The following E2F3 variants were observed in gnomAD, a reference collection of about 807,000 sequenced individuals.
The protein encoded by E2F3 is E2F transcription factor 3.
Under a neutral mutation model 44.4 loss-of-function variants are expected in E2F3, and 11 were observed. That is an observed-to-expected ratio of 0.25 (90% confidence interval 0.16 to 0.41). The LOEUF is 0.41. Ranked by LOEUF, E2F3 falls within the 10% of genes least tolerant of loss-of-function variation. E2F3 has a pLI of 1.00. For missense variants in E2F3, 487 were observed against 583.6 expected (o/e 0.83, Z 1.70); for synonymous variants, 249 against 253.0 (o/e 0.98, Z 0.15).
intron 1 of E2F3, among the ~76,000 whole-genome samples, chr6:20,429,267 T>A (rs1266828507): frequency 6.6e-6 from 1 of 152,198 alleles, no homozygotes; most frequent in Non-Finnish European, 1.5e-5. Context: ...GTTGTCCCCC[T>A]TATCCACGGT....
intron 1 of E2F3, among the ~76,000 whole-genome samples, chr6:20,420,440 TG>T (rs1352638977): frequency 1.2e-5 from 1 of 86,200 alleles, no homozygotes; most frequent in African/African-American, 8.1e-5. Flanking sequence ...CTTTCTCTGG[TG>T]TGTGTGTGTG....
rs1296927580 is a variant in E2F3 at position 20,486,749 on chromosome 6, T to C, written c.945T>C (p.Val315=). ...RKISGLKDQT[V]IVVKAPPETR... is the part of the protein sequence containing the mutation. ...TTAGTGGCCTTAAAGACCAAACTGT[T>C]ATAGTTGTGAAAGCCCCTCCAGAAA... is the stretch of plus-strand genomic sequence containing the variant. Residue 315 remains valine, a synonymous_variant, in exon 5 of 7, where the codon GTT becomes GTC. Coordinates refer to ENST00000346618, the MANE Select transcript of E2F3 (RefSeq NM_001949.5). 3.1e-6 allele frequency: 5 copies of C among 1,613,798 alleles called. No homozygotes were observed. The highest frequency in any genetic ancestry group is 4.2e-6 in the Non-Finnish European group (5 of 1,179,916).
At chr6:20,403,817 GC>G in intron 1 of E2F3, 1 of 1,497,816 alleles carries the variant, frequency 6.7e-7, no homozygotes, top group Non-Finnish European at 8.9e-7. Context: ...TTTCGGAAAT[GC>G]CCTTACAGCA....
At position 20,488,224 on chromosome 6, in the gene E2F3, A is replaced by G. The variant is rs759186497; in HGVS notation, c.1111A>G (p.Asn371Asp). The G allele has an allele frequency of 6.2e-7, 1 of 1,605,308 alleles. No individual in the cohort carries two copies. Among genetic ancestry groups the G allele is most frequent in the Non-Finnish European group, 8.5e-7 (1 of 1,178,040 alleles). Reference sequence around the variant, plus strand: ...AACAAACAACCAAGACCACAATGGGAATATCCCTAAACCCGCTTCCAAAGG... The same window carrying G: ...AACAAACAACCAAGACCACAATGGGGATATCCCTAAACCCGCTTCCAAAGG... The part of the protein sequence containing the change: ...MKTNNQDHNG[N>D]IPKPASKDLA... Residue 371 changes from asparagine to aspartate, a missense_variant, in exon 6 of 7, where the codon AAT (asparagine) becomes GAT (aspartate). Coordinates refer to ENST00000346618, the MANE Select transcript of E2F3 (RefSeq NM_001949.5).
intron 1 of E2F3, among the ~76,000 whole-genome samples, chr6:20,420,780 T>C (rs974815189): frequency 3.3e-5 from 5 of 152,264 alleles, no homozygotes; most frequent in Admixed American, 1.3e-4. Context: ...AGTCATTGAA[T>C]GCTGGGGCAG....
intron 1 of E2F3, among the ~76,000 whole-genome samples, chr6:20,449,790 G>A (rs1561866310): frequency 6.6e-6 from 1 of 151,948 alleles, no homozygotes; most frequent in Non-Finnish European, 1.5e-5. Flanking sequence ...ACCTTCTCTG[G>A]TAGGCCCCAC....
At chr6:20,482,635 A>T in intron 3 of E2F3, 127 bp from the exon 4 acceptor site, 1 of 577,676 alleles carries the variant, frequency 1.7e-6, no homozygotes, top group Non-Finnish European at 2.8e-6. Context: ...TAAATGTTCT[A>T]ATTTTAACAC....
intron 1 of E2F3, among the ~76,000 whole-genome samples, chr6:20,436,261 G>A (rs1354985846): frequency 1.3e-5 from 2 of 152,264 alleles, no homozygotes; most frequent in African/African-American, 2.4e-5. Context: ...GACTATAGGC[G>A]TGAGCCACCA....
rs549548452 is a variant in E2F3 at position 20,402,129 on chromosome 6, G to A, written c.-104G>A. Reference sequence around the variant, plus strand: ...AGGGGGCTCGGAAGCGCCGGGCGGGGAGGAGAGAAGGAGGAGAGACTTGGA... The same window carrying A: ...AGGGGGCTCGGAAGCGCCGGGCGGGAAGGAGAGAAGGAGGAGAGACTTGGA... On this transcript the variant is annotated 5_prime_UTR_variant, in exon 1 of 7. Coordinates refer to ENST00000346618, the MANE Select transcript of E2F3 (RefSeq NM_001949.5). The surrounding 1 kb of genome is among the most constrained non-coding windows in gnomAD (Gnocchi z 5.6). 3 of 1,435,842 alleles carry A rather than the reference G, an allele frequency of 2.1e-6. No individual in the cohort carries two copies. Among genetic ancestry groups the A allele is most frequent in the African/African-American group, 1.5e-5 (1 of 67,534 alleles). The allele number at this position is 1,435,842 out of a possible 1,614,324, so 88.9% of individuals were successfully genotyped here.
chr6:20,403,607 G>A, intron 1 of E2F3: 1 of 473,454 alleles, frequency 2.1e-6, no homozygotes, highest in Non-Finnish European at 3.7e-6. Flanking sequence ...GGGAGAGGGG[G>A]GCACCCACTT....
Position 20,490,017 on chromosome 6 carries a change from A to C in E2F3, c.1136-151A>C. ...AAGGAACTTTTTTGTACCTGTTAGC[A>C]TAAAAGGTGATCTGCATCATAAAGT... On this transcript the variant is annotated intron_variant, in intron 6 of 6. Transcript: ENST00000346618. The surrounding 1 kb of genome is among the most constrained non-coding windows in gnomAD (Gnocchi z 4.3). The C allele has an allele frequency of 1.2e-6, 1 of 852,430 alleles. No individual in the cohort carries two copies. The highest frequency in any genetic ancestry group is 1.9e-5 in the South Asian group (1 of 52,220). The allele number at this position is 852,430 out of a possible 1,614,324, so 52.8% of individuals were successfully genotyped here.
intron 1 of E2F3, among the ~76,000 whole-genome samples, chr6:20,417,825 A>T (rs573818478): frequency 1.3e-5 from 2 of 152,218 alleles, no homozygotes; most frequent in Non-Finnish European, 2.9e-5. Context: ...AGGTTCTGTT[A>T]TATATAGTCC....
intron 1 of E2F3, among the ~76,000 whole-genome samples, chr6:20,476,500 C>T (rs866500872): frequency 2.0e-5 from 3 of 152,202 alleles, no homozygotes; most frequent in Admixed American, 1.3e-4. Flanking sequence ...GTCTCAGACC[C>T]CTCTCTCTCC....
chr6:20,459,336 G>C (rs968978206), intron 1 of E2F3, among the ~76,000 whole-genome samples: 3 of 152,206 alleles, frequency 2.0e-5, no homozygotes, highest in Non-Finnish European at 4.4e-5. Context: ...CAGGAGGAAT[G>C]AAGTCCCACG....
chr6:20,406,675 C>A (rs1267365800), intron 1 of E2F3, among the ~76,000 whole-genome samples: 5 of 152,148 alleles, frequency 3.3e-5, no homozygotes, highest in Non-Finnish European at 7.3e-5. Flanking sequence ...TGTGACAATT[C>A]AAGGCCACAT....
intron 1 of E2F3, among the ~76,000 whole-genome samples, chr6:20,462,772 C>T (rs1761556617): frequency 6.6e-6 from 1 of 150,816 alleles, no homozygotes; most frequent in East Asian, 2.0e-4. Flanking sequence ...TCACTAATTC[C>T]TATAGTTACA....
At chr6:20,418,550 G>T (rs929446323) in intron 1 of E2F3, among the ~76,000 whole-genome samples, 2 of 152,176 alleles carry the variant, frequency 1.3e-5, no homozygotes, top group African/African-American at 2.4e-5. Context: ...TCTAAAGGCG[G>T]ACAAACTAGA....
At chr6:20,415,114 C>T (rs938371390) in intron 1 of E2F3, among the ~76,000 whole-genome samples, 21 of 152,198 alleles carry the variant, frequency 1.4e-4, no homozygotes, top group African/African-American at 3.9e-4. Flanking sequence ...TGGACAGGCT[C>T]TTACTGAACA....
rs776819238 is a variant in E2F3, at chr6:20,435,873, A to G, written c.393+33248A>G. 5.9e-5 allele frequency among the ~76,000 whole-genome samples: 9 copies of G among 152,232 alleles called. No individual in the cohort carries two copies. The South Asian group carries it at 8.3e-4, about 14-fold the overall frequency. On this transcript the variant is annotated intron_variant, in intron 1 of 6. Coordinates refer to ENST00000346618, the MANE Select transcript of E2F3 (RefSeq NM_001949.5). ...AACAACAATAAACATTATTGTTACT[A>G]TTATTACAGCCCTTATCTTGCTTTC... is the stretch of plus-strand genomic sequence containing the variant.
Sources: allele counts gnomAD v4.1 joint callset (sites outside exome capture counted in the v4.1 genomes callset), GRCh38; gene constraint gnomAD v4.1.1; non-coding constraint Gnocchi (gnomAD v3.1); transcripts MANE v1.5; gene names NCBI Gene and HGNC (gene_info 2026-07-23, HGNC 2026-07-21).